EPG5: variants seen among roughly 807,000 people sequenced by gnomAD.
EPG5 encodes ectopic P granules protein 5 homolog.
Under a neutral mutation model 302.7 loss-of-function variants are expected in EPG5, and 159 were observed. That is an observed-to-expected ratio of 0.53 (90% CI 0.46 to 0.60). The LOEUF (loss-of-function observed/expected upper bound fraction) is 0.60. Among genes scored for constraint, EPG5 ranks in the 20% least tolerant of loss-of-function variants. The probability of loss-of-function intolerance (pLI) is 0.00; values close to 1 mark genes in which losing one functional copy is unlikely to be tolerated. For synonymous variants in EPG5, 1,158 were observed against 1,136.8 expected (o/e 1.02, Z -0.37); for missense variants, 2,896 against 3,092.4 (o/e 0.94, Z 1.51).
intron 39 of EPG5, among the ~76,000 whole-genome samples, chr18:45,864,213 A>G (rs1410566407): frequency 6.6e-6 from 1 of 152,132 alleles, no homozygotes; most frequent in Non-Finnish European, 1.5e-5. Flanking sequence ...CCTGGCCATC[A>G]GCAATCCTCC....
chr18:45,930,606 C>CA (rs2050377769), intron 12 of EPG5, 70 bp downstream of exon 12: 1 of 1,355,826 alleles, frequency 7.4e-7, no homozygotes, highest in Non-Finnish European at 9.9e-7. Context: ...AGCAATCCCC[C>CA]AAAAAATCAA....
chr18:45,926,864 T>G (rs2050282095), intron 13 of EPG5, among the ~76,000 whole-genome samples: 1 of 151,170 alleles, frequency 6.6e-6, no homozygotes, highest in African/African-American at 2.4e-5. Context: ...GAGAAAAATG[T>G]CATGAGCTCA....
intron 12 of EPG5, among the ~76,000 whole-genome samples, chr18:45,929,615 T>C (rs986504030): frequency 2.0e-5 from 3 of 152,218 alleles, no homozygotes; most frequent in Non-Finnish European, 2.9e-5. Flanking sequence ...GAATGTAATA[T>C]AGAATGTAAT....
intron 23 of EPG5, among the ~76,000 whole-genome samples, chr18:45,908,802 A>G (rs2049820938): frequency 6.6e-6 from 1 of 152,096 alleles, no homozygotes; most frequent in African/African-American, 2.4e-5. Flanking sequence ...TACAAAAATG[A>G]GCCGGGTGTG....
chr18:45,869,940 AAAG>A (rs1329580049), intron 36 of EPG5, among the ~76,000 whole-genome samples: 3 of 152,022 alleles, frequency 2.0e-5, no homozygotes, highest in East Asian at 1.9e-4. Context: ...AAAAAAAAAA[AAAG>A]AAGAAAAACA....
chr18:45,801,478 T>C, the EPG5 span, among the ~76,000 whole-genome samples: 2,789 of 152,238 alleles, frequency 0.018, 91 homozygotes, highest in African/African-American at 0.064. Flanking sequence ...GAGCAAAACT[T>C]GACAGTTATG....
At chr18:45,824,753 A>T in the EPG5 span, among the ~76,000 whole-genome samples, 1 of 152,074 alleles carries the variant, frequency 6.6e-6, no homozygotes, top group Non-Finnish European at 1.5e-5. Flanking sequence ...CAGCTTTCCT[A>T]GAAGGATAAT....
intron 36 of EPG5, 24 bp downstream of exon 36, chr18:45,870,543 C>A (rs370844881): frequency 1.2e-5 from 19 of 1,605,240 alleles, no homozygotes; most frequent in South Asian, 3.3e-5. Context: ...CTCTAGGCTG[C>A]GATGCCGGGA....
the EPG5 span, among the ~76,000 whole-genome samples, chr18:45,812,628 G>A: frequency 2.0e-5 from 3 of 152,210 alleles, no homozygotes; most frequent in Admixed American, 6.5e-5. Context: ...ATCTACAACT[G>A]TCTGATCTTT....
intron 10 of EPG5, among the ~76,000 whole-genome samples, chr18:45,938,010 AG>A (rs745548804): frequency 2.8e-4 from 42 of 152,302 alleles, no homozygotes; most frequent in South Asian, 1.7e-3. Context: ...AGCAAGCACA[AG>A]AACAAGTAAC....
At chr18:45,826,315 A>G in the EPG5 span, among the ~76,000 whole-genome samples, 1 of 152,100 alleles carries the variant, frequency 6.6e-6, no homozygotes, top group Non-Finnish European at 1.5e-5. Flanking sequence ...TTTAAGCAAC[A>G]ATGTCATCAG....
chr18:45,858,534 A>C, intron 41 of EPG5, 32 bp downstream of exon 41: 2 of 1,546,914 alleles, frequency 1.3e-6, no homozygotes, highest in South Asian at 2.2e-5. Context: ...AAATACAGCA[A>C]GTTTGATGTA....
At chr18:45,832,035 C>A in the EPG5 span, among the ~76,000 whole-genome samples, 38 of 152,204 alleles carry the variant, frequency 2.5e-4, no homozygotes, top group Non-Finnish European at 4.1e-4. Context: ...CCCGGCCCAA[C>A]ATCTTAACCC....
downstream of EPG5, among the ~76,000 whole-genome samples, chr18:45,846,338 A>G (rs527987475): frequency 6.6e-6 from 1 of 152,002 alleles, no homozygotes; most frequent in East Asian, 1.9e-4. Flanking sequence ...CTGGCCAACA[A>G]GGCGAAACCC....
chr18:45,914,516 A>C (rs1030730959), intron 20 of EPG5, among the ~76,000 whole-genome samples: 12 of 152,272 alleles, frequency 7.9e-5, no homozygotes, highest in African/African-American at 1.7e-4. Flanking sequence ...GCTGCTGCTG[A>C]TGATAATAAT....
At chr18:45,911,289 GTTT>G (rs920890095) in intron 22 of EPG5, among the ~76,000 whole-genome samples, 1 of 127,410 alleles carries the variant, frequency 7.8e-6, no homozygotes, top group African/African-American at 2.9e-5. Context: ...GCGCTGGGTT[GTTT>G]TTTTTTTTTT....
intron 25 of EPG5, among the ~76,000 whole-genome samples, chr18:45,902,154 T>C (rs933749162): frequency 2.6e-5 from 4 of 152,248 alleles, no homozygotes; most frequent in Admixed American, 2.0e-4. Flanking sequence ...CCATTTTCTA[T>C]TCTTGTTGAG....
At position 45,912,400 on chromosome 18, in the gene EPG5, A is replaced by T; in HGVS notation, c.3873T>A (p.Ile1291=). Reference sequence around the variant, plus strand: ...CCAGAGCCTGGTGGGCCCAGCGATAAATCAGCAGCCTCTGGAGGGATGGCA... The same window carrying T: ...CCAGAGCCTGGTGGGCCCAGCGATATATCAGCAGCCTCTGGAGGGATGGCA... ...PIVPSLQRLL[I]YRWAHQALVT... The change falls in exon 22 of 44, where the codon ATT becomes ATA. Residue 1291 remains isoleucine, a synonymous_variant. Coordinates refer to ENST00000282041, the MANE Select transcript of EPG5 (RefSeq NM_020964.3). The T allele has an allele frequency of 1.2e-6, 2 of 1,611,034 alleles. No individual in the cohort carries two copies. The highest frequency in any genetic ancestry group is 1.7e-6 in the Non-Finnish European group (2 of 1,179,024).
At chr18:45,825,728 C>G in the EPG5 span, 1 of 1,614,218 alleles carries the variant, frequency 6.2e-7, no homozygotes, top group African/African-American at 1.3e-5. Context: ...ATGCTCACAG[C>G]ATGGAAAAGT....
Sources: allele counts gnomAD v4.1 joint callset (sites outside exome capture counted in the v4.1 genomes callset), GRCh38; gene constraint gnomAD v4.1.1; transcripts MANE v1.5; gene names NCBI Gene and HGNC (gene_info 2026-07-23, HGNC 2026-07-21).